The following ARHGAP28 variants were observed in gnomAD, a reference collection of about 807,000 sequenced individuals.
The protein encoded by ARHGAP28 is Rho GTPase activating protein 28, also known as rho GTPase-activating protein 28.
ARHGAP28 carries 56 observed loss-of-function variants against 90.7 expected under a neutral mutation model. That is an observed-to-expected ratio of 0.62 (90% CI 0.50 to 0.77). ARHGAP28 has a LOEUF of 0.77. Ranked by LOEUF, ARHGAP28 falls within the 30% of genes least tolerant of loss-of-function variation. The probability of loss-of-function intolerance (pLI) is 0.00; values close to 1 mark genes in which losing one functional copy is unlikely to be tolerated. For missense variants in ARHGAP28, 869 were observed against 900.9 expected, an observed-to-expected ratio of 0.96 and a Z score of 0.45; for synonymous variants, 308 against 323.3, an observed-to-expected ratio of 0.95 and a Z score of 0.51.
chr18:6,883,716 A>C (rs1041682683), intron 11 of ARHGAP28, among the ~76,000 whole-genome samples: 25 of 152,208 alleles, frequency 1.6e-4, no homozygotes, highest in African/African-American at 6.0e-4. Context: ...TAGGTTCTAA[A>C]TCTTTGAATG....
At chr18:6,876,872 G>C (rs989178688) in intron 10 of ARHGAP28, among the ~76,000 whole-genome samples, 2 of 152,172 alleles carry the variant, frequency 1.3e-5, no homozygotes, top group African/African-American at 4.8e-5. Flanking sequence ...GTACAATAAA[G>C]CAAAGAACTG....
chr18:6,882,047 A>G, intron 10 of ARHGAP28, 90 bp from the exon 11 acceptor site: 2 of 1,277,826 alleles, frequency 1.6e-6, no homozygotes, highest in Non-Finnish European at 2.1e-6. Flanking sequence ...TGTTTACAAA[A>G]ACAGTTTATA....
intron 1 of ARHGAP28, among the ~76,000 whole-genome samples, chr18:6,787,867 T>G (rs2056377849): frequency 6.6e-6 from 1 of 152,152 alleles, no homozygotes; most frequent in Non-Finnish European, 1.5e-5. Context: ...CTAATTCCTA[T>G]CCATCACAGT....
intron 1 of ARHGAP28, among the ~76,000 whole-genome samples, chr18:6,761,052 A>G (rs778023461): frequency 6.6e-6 from 1 of 152,194 alleles, no homozygotes; most frequent in African/African-American, 2.4e-5. Flanking sequence ...GCACGTAAAC[A>G]TACACAAAAC....
At chr18:6,867,990 C>T (rs1055785815) in intron 5 of ARHGAP28, among the ~76,000 whole-genome samples, 160 bp from the exon 6 acceptor site, 3 of 152,180 alleles carry the variant, frequency 2.0e-5, no homozygotes, top group Non-Finnish European at 4.4e-5. Flanking sequence ...AAACTGAATG[C>T]AGAAACAGGA....
chr18:6,730,221 G>GTGTA lies in ARHGAP28; in HGVS notation c.122+279_122+280insGTAT, dbSNP rs146889070. ...GATACGATTTGAGGATAAGTCATGTGTATATATATATATATACCTCATTTC... is the reference window on the plus strand; with the variant it reads ...GATACGATTTGAGGATAAGTCATGTGTGTATATATATATATATATACCTCATTTC... On this transcript the variant is annotated intron_variant, in intron 1 of 17. Transcript: ENST00000383472. The GTGTA allele has an allele frequency of 1.9e-4, 33 of 175,084 alleles. 1 individual carries two copies. The highest frequency in any genetic ancestry group is 1.1e-3 in the East Asian group (9 of 7,970). The allele number at this position is 175,084 out of a possible 1,614,324, so 10.8% of individuals were successfully genotyped here.
At chr18:6,841,125 C>CTCTCTCTCCTCTCTCACTG (rs1164737212) in intron 3 of ARHGAP28, among the ~76,000 whole-genome samples, 4,829 of 126,056 alleles carry the variant, frequency 0.038, 391 homozygotes, top group Middle Eastern at 0.071. Flanking sequence ...TCTCTTCTCT[C>CTCTCTCTCCTCTCTCACTG]TCTCTCTCCT....
chr18:6,797,662 C>T (rs1329405284), intron 1 of ARHGAP28, among the ~76,000 whole-genome samples: 2 of 150,722 alleles, frequency 1.3e-5, no homozygotes, highest in Non-Finnish European at 3.0e-5. Context: ...TTTTTAGAAA[C>T]GCTTTTTTTT....
intron 1 of ARHGAP28, among the ~76,000 whole-genome samples, chr18:6,757,875 C>A (rs1439617234): frequency 6.6e-6 from 1 of 152,060 alleles, no homozygotes; most frequent in Non-Finnish European, 1.5e-5. Context: ...GAGTATGGAT[C>A]AAGCTCACAC....
At chr18:6,898,348 C>T (rs1479988386) in intron 16 of ARHGAP28, 3 of 612,932 alleles carry the variant, frequency 4.9e-6, no homozygotes, top group Non-Finnish European at 8.2e-6. Flanking sequence ...GAAAATTCAT[C>T]AAGTTGTATA....
chr18:6,793,239 C>T (rs921009909), intron 1 of ARHGAP28, among the ~76,000 whole-genome samples: 5 of 152,076 alleles, frequency 3.3e-5, no homozygotes, highest in Admixed American at 6.6e-5. Context: ...TTGCAATGGG[C>T]GGTAATTGAC....
In ARHGAP28 at chr18:6,835,401, T is replaced by C. The variant is rs544194383; in HGVS notation, c.326-1796T>C. Among the ~76,000 whole-genome samples, 7 of 152,204 alleles carry C rather than the reference T, an allele frequency of 4.6e-5. No homozygotes were observed. The South Asian group carries it at 1.4e-3, about 32-fold the overall frequency. On this transcript the variant is annotated intron_variant, in intron 2 of 17. Coordinates refer to ENST00000383472, the MANE Select transcript of ARHGAP28 (RefSeq NM_001366230.1). ...TAGATTACGGCTGCCAATCATCAAT[T>C]CACTTTTCATTTTTTTCTTAAAGGG...
intron 1 of ARHGAP28, among the ~76,000 whole-genome samples, chr18:6,788,339 A>T (rs2056381162): frequency 6.6e-6 from 1 of 152,144 alleles, no homozygotes; most frequent in Non-Finnish European, 1.5e-5. Flanking sequence ...AGCCGAGCAG[A>T]TGCCAGCATC....
At chr18:6,887,434 T>G (rs1368916909) in intron 12 of ARHGAP28, among the ~76,000 whole-genome samples, 195 bp downstream of exon 12, 20 of 148,946 alleles carry the variant, frequency 1.3e-4, no homozygotes, top group Non-Finnish European at 9.0e-5. Flanking sequence ...TATCTTGTTT[T>G]TTTTTTTTTT....
intron 5 of ARHGAP28, among the ~76,000 whole-genome samples, chr18:6,861,523 G>A (rs2056998547): frequency 6.6e-6 from 1 of 152,158 alleles, no homozygotes; most frequent in Non-Finnish European, 1.5e-5. Context: ...GACATGGTCA[G>A]ACCCCTTGTC....
At chr18:6,773,758 T>G (rs1220758943) in intron 1 of ARHGAP28, among the ~76,000 whole-genome samples, 2 of 152,240 alleles carry the variant, frequency 1.3e-5, no homozygotes, top group African/African-American at 4.8e-5. Context: ...TTATGGTTTT[T>G]GCTTTTGACT....
chr18:6,909,968 C>A (rs552228443), intron 17 of ARHGAP28, among the ~76,000 whole-genome samples: 13 of 152,146 alleles, frequency 8.5e-5, no homozygotes, highest in Non-Finnish European at 1.6e-4. Context: ...TTCTTCACCC[C>A]CCTTTAAGTC....
At chr18:6,760,474 A>G (rs1253026089) in intron 1 of ARHGAP28, among the ~76,000 whole-genome samples, 4 of 152,222 alleles carry the variant, frequency 2.6e-5, no homozygotes, top group Non-Finnish European at 4.4e-5. Context: ...ATGAAATTTA[A>G]ATGCATGACT....
chr18:6,876,246 A>G, intron 10 of ARHGAP28, 38 bp downstream of exon 10: 2 of 1,491,498 alleles, frequency 1.3e-6, no homozygotes, highest in Non-Finnish European at 1.9e-6. Flanking sequence ...TAGAGTTCTA[A>G]GCTAGCTAGA....
Sources: gnomAD v4.1 joint callset for allele counts (sites outside exome capture counted in the v4.1 genomes callset) on GRCh38, gnomAD v4.1.1 for gene constraint, MANE v1.5 for transcripts, NCBI Gene and HGNC (gene_info 2026-07-23, HGNC 2026-07-21) for gene names.